TGFBR2: variants seen among roughly 807,000 people sequenced by gnomAD.
TGFBR2 encodes the protein TGF-beta receptor type-2.
Under a neutral mutation model 49.0 loss-of-function variants are expected in TGFBR2, and 18 were observed. That is an observed-to-expected ratio of 0.37 (90% CI 0.25 to 0.54). The LOEUF (loss-of-function observed/expected upper bound fraction) is 0.54, where lower values mean the gene tolerates loss of function less well. Among genes scored for constraint, TGFBR2 ranks in the 20% least tolerant of loss-of-function variants. The pLI, the probability that TGFBR2 is intolerant of heterozygous loss-of-function variation, is 0.85. For synonymous variants in TGFBR2, 282 were observed against 275.9 expected (o/e 1.02, Z -0.22); for missense variants, 525 against 722.6 (o/e 0.73, Z 3.13).
chr3:30,617,338 T>C (rs774264831), intron 1 of TGFBR2, among the ~76,000 whole-genome samples: 2 of 152,154 alleles, frequency 1.3e-5, no homozygotes, highest in African/African-American at 4.8e-5. Context: ...TTACTACATA[T>C]CGGATTTGCG....
chr3:30,674,361 T>C, intron 5 of TGFBR2, 115 bp downstream of exon 5: 2 of 1,369,956 alleles, frequency 1.5e-6, no homozygotes, highest in Non-Finnish European at 2.1e-6. Context: ...CTAGTTGAGA[T>C]CTGATATTAT....
At chr3:30,681,284 C>T (rs1044230455) in intron 5 of TGFBR2, among the ~76,000 whole-genome samples, 4 of 151,844 alleles carry the variant, frequency 2.6e-5, no homozygotes, top group Non-Finnish European at 5.9e-5. Flanking sequence ...GATTGAAACG[C>T]TTCATTTTCC....
chr3:30,681,058 G>A (rs950781302), intron 5 of TGFBR2, among the ~76,000 whole-genome samples: 3 of 150,164 alleles, frequency 2.0e-5, no homozygotes, highest in Non-Finnish European at 2.9e-5. Flanking sequence ...TTGAATAGAA[G>A]CTGACACGTA....
At chr3:30,637,431 T>C (rs954177914) in intron 1 of TGFBR2, among the ~76,000 whole-genome samples, 1 of 152,192 alleles carries the variant, frequency 6.6e-6, no homozygotes, top group Admixed American at 6.5e-5. Context: ...ACCTTAAATG[T>C]GCTCCTCATT....
At chr3:30,628,246 A>C (rs773792955) in intron 1 of TGFBR2, among the ~76,000 whole-genome samples, 2 of 152,048 alleles carry the variant, frequency 1.3e-5, no homozygotes, top group Non-Finnish European at 2.9e-5. Context: ...AAACCGTTAC[A>C]AACTTCTCCT....
chr3:30,688,573 A>G lies in TGFBR2; in HGVS notation c.1524+62A>G, dbSNP rs192590842. The G allele has an allele frequency of 1.5e-3, 2,339 of 1,604,392 alleles. 12 individuals are homozygous for G. The highest frequency in any genetic ancestry group is 9.1e-3 in the Middle Eastern group (55 of 6,058). The stretch of plus-strand genomic sequence containing the variant: ...AACCAAGTTGCCTCTTAGGTGGCAG[A>G]GAATTCTGGAATATTGAGCTTAAAT... On this transcript the variant is annotated intron_variant, in intron 6 of 6. Transcript: ENST00000295754.
chr3:30,655,749 G>T (rs1021495679), intron 3 of TGFBR2, among the ~76,000 whole-genome samples: 29 of 152,298 alleles, frequency 1.9e-4, no homozygotes, highest in Admixed American at 1.5e-3. Context: ...GTTGTTGTGG[G>T]ATTTAAGGAG....
intron 1 of TGFBR2, among the ~76,000 whole-genome samples, chr3:30,611,527 C>T (rs1698028186): frequency 6.6e-6 from 1 of 150,974 alleles, no homozygotes; most frequent in Admixed American, 6.6e-5. Context: ...TTGAAAGCCA[C>T]TGCAAAATTT....
rs1196415682 is a variant in TGFBR2, at chr3:30,691,490, A to C, written c.1595A>C (p.Gln532Pro). 2 of 1,613,934 alleles carry C rather than the reference A, an allele frequency of 1.2e-6. No homozygotes were observed. The highest frequency in any genetic ancestry group is 1.7e-6 in the Non-Finnish European group (2 of 1,179,948). Residue 532 changes from glutamine to proline, a missense_variant, in exon 7 of 7, where the codon CAG becomes CCG. Physicochemically the swap from Gln to Pro is moderately conservative, Grantham distance 76. This residue lies in a region of TGFBR2 where 104 missense variants were observed against 133.4 expected (regional missense o/e 0.78). Coordinates refer to ENST00000295754, the MANE Select transcript of TGFBR2 (RefSeq NM_003242.6). ...DHDPEARLTAQCVAERFSELE... is the reference protein window; with the variant it reads ...DHDPEARLTAPCVAERFSELE... ...GACCCAGAGGCCCGTCTCACAGCCC[A>C]GTGTGTGGCAGAACGCTTCAGTGAG...
intron 2 of TGFBR2, among the ~76,000 whole-genome samples, chr3:30,647,063 C>T (rs555765869): frequency 4.4e-4 from 67 of 152,214 alleles, no homozygotes; most frequent in Middle Eastern, 3.4e-3. Flanking sequence ...GTATAGGGTA[C>T]GCTATAGTGC....
At chr3:30,682,395 A>G (rs1424332116) in intron 5 of TGFBR2, among the ~76,000 whole-genome samples, 1 of 152,194 alleles carries the variant, frequency 6.6e-6, no homozygotes, top group Non-Finnish European at 1.5e-5. Flanking sequence ...CATACTCTCT[A>G]AGCCTTCGCT....
At chr3:30,691,031 G>A (rs1699699587) in intron 6 of TGFBR2, among the ~76,000 whole-genome samples, 2 of 152,302 alleles carry the variant, frequency 1.3e-5, no homozygotes, top group Non-Finnish European at 2.9e-5. Flanking sequence ...CAATTTTGCT[G>A]TGAAGCGAGA....
chr3:30,607,816 TA>T (rs1021211882), intron 1 of TGFBR2, among the ~76,000 whole-genome samples: 4 of 137,322 alleles, frequency 2.9e-5, no homozygotes, highest in African/African-American at 9.0e-5. Context: ...ATATATATTA[TA>T]TATATATAAA....
intron 1 of TGFBR2, among the ~76,000 whole-genome samples, chr3:30,625,166 T>A (rs1015082629): frequency 8.5e-5 from 13 of 152,344 alleles, no homozygotes; most frequent in African/African-American, 2.9e-4. Flanking sequence ...ATTTTGAACA[T>A]ATTAAAAATA....
At chr3:30,611,957 C>T (rs1182249269) in intron 1 of TGFBR2, among the ~76,000 whole-genome samples, 1 of 152,194 alleles carries the variant, frequency 6.6e-6, no homozygotes, top group African/African-American at 2.4e-5. Context: ...TTATGATTTT[C>T]AGTAGAACAG....
At chr3:30,629,393 G>A (rs1468110189) in intron 1 of TGFBR2, among the ~76,000 whole-genome samples, 2 of 152,172 alleles carry the variant, frequency 1.3e-5, no homozygotes, top group Non-Finnish European at 2.9e-5. Flanking sequence ...GCTCCTCCCA[G>A]TGGGGAAAGA....
At chr3:30,657,906 T>C (rs567594538) in intron 3 of TGFBR2, among the ~76,000 whole-genome samples, 2 of 152,372 alleles carry the variant, frequency 1.3e-5, no homozygotes, top group African/African-American at 4.8e-5. Flanking sequence ...GACATTTATT[T>C]TGGCTCTCTG....
intron 1 of TGFBR2, among the ~76,000 whole-genome samples, chr3:30,608,328 T>C (rs1309458070): frequency 6.6e-6 from 1 of 152,168 alleles, no homozygotes; most frequent in East Asian, 1.9e-4. Flanking sequence ...ATAGAGCTTT[T>C]TCTGGGCCTT....
At chr3:30,655,973 A>G (rs1450916102) in intron 3 of TGFBR2, among the ~76,000 whole-genome samples, 5 of 152,168 alleles carry the variant, frequency 3.3e-5, no homozygotes, top group South Asian at 4.1e-4. Context: ...TCTGGGGCCT[A>G]TTGCATTAGC....
Sources: allele counts gnomAD v4.1 joint callset (sites outside exome capture counted in the v4.1 genomes callset), GRCh38; gene constraint gnomAD v4.1.1; regional missense constraint gnomAD v4.1.1; transcripts MANE v1.5; gene names NCBI Gene and HGNC (gene_info 2026-07-23, HGNC 2026-07-21).